The following SEPTIN11 variants were observed in gnomAD, a reference collection of about 807,000 sequenced individuals.
SEPTIN11 encodes the protein septin 11, also known as septin-11.
In SEPTIN11, 25 loss-of-function variants were observed where a neutral mutation model predicts 51.4. The ratio of observed to expected loss-of-function variants is 0.49; its 90% CI spans 0.35 to 0.68. The LOEUF (loss-of-function observed/expected upper bound fraction) is 0.68. SEPTIN11 is among the 30% of genes least tolerant of loss of function. The pLI, the probability that SEPTIN11 is intolerant of heterozygous loss-of-function variation, is 0.00. For missense variants in SEPTIN11, 381 were observed against 520.8 expected, an observed-to-expected ratio of 0.73 and a Z score of 2.61; for synonymous variants, 174 against 184.1, an observed-to-expected ratio of 0.95 and a Z score of 0.44.
chr4:77,004,590 C>T (rs1353850846), intron 2 of SEPTIN11, among the ~76,000 whole-genome samples: 1 of 152,180 alleles, frequency 6.6e-6, no homozygotes, highest in Non-Finnish European at 1.5e-5. Context: ...ACTCATAAAT[C>T]TTATCTAAGC....
At position 76,989,149 on chromosome 4, in the gene SEPTIN11, A is replaced by G. The variant is rs72607859; in HGVS notation, c.28-7276A>G. Among the ~76,000 whole-genome samples, 369 of 152,328 alleles carry G rather than the reference A, an allele frequency of 2.4e-3. 12 individuals carry two copies. The East Asian group carries it at 0.057, about 24-fold the overall frequency. On this transcript the variant is annotated intron_variant, in intron 1 of 9. Transcript: ENST00000264893. ...CCTCACTTTACAGAGGAGGAAACAT[A>G]AGCCCGAGGATTAAGTGACTTGGAT...
chr4:76,997,892 C>T (rs1041549211), intron 2 of SEPTIN11, among the ~76,000 whole-genome samples: 3 of 152,142 alleles, frequency 2.0e-5, no homozygotes, highest in Admixed American at 1.3e-4. Context: ...TTCAGTGCCT[C>T]CCCAGCCCTG....
chr4:76,998,157 C>T (rs1352024884), intron 2 of SEPTIN11, among the ~76,000 whole-genome samples: 1 of 152,092 alleles, frequency 6.6e-6, no homozygotes, highest in African/African-American at 2.4e-5. Context: ...GGTTACAATA[C>T]CTGTGATTCT....
intron 1 of SEPTIN11, among the ~76,000 whole-genome samples, chr4:76,959,616 T>A (rs976465504): frequency 1.3e-5 from 2 of 152,108 alleles, no homozygotes; most frequent in Non-Finnish European, 2.9e-5. Context: ...TATTCTAGGA[T>A]CTAGATCCAG....
Position 77,037,394 on chromosome 4 carries a change from C to A in SEPTIN11, c.*2882C>A. ...AAGAAATTATTAATCCCTGCCTGTG[C>A]TCTACATAGCCTCATGGGCATCATT... is the stretch of plus-strand genomic sequence containing the variant. On this transcript the variant is annotated 3_prime_UTR_variant, in exon 10 of 10. Transcript: ENST00000264893. 2.0e-6 allele frequency: 2 copies of A among 985,244 alleles called. No homozygotes were observed. Among genetic ancestry groups the A allele is most frequent in the Non-Finnish European group, 2.4e-6 (2 of 829,882 alleles). The allele number at this position is 985,244 out of a possible 1,614,324, so 61.0% of individuals were successfully genotyped here. A position where few individuals can be genotyped will look rare whatever the true frequency, so the allele number is the denominator to read the frequency against.
intron 1 of SEPTIN11, among the ~76,000 whole-genome samples, chr4:76,974,169 T>G (rs1044646173): frequency 6.6e-6 from 1 of 152,132 alleles, no homozygotes; most frequent in African/African-American, 2.4e-5. Flanking sequence ...ATTGGTGGTG[T>G]TCATAAGTTC....
Position 77,036,366 on chromosome 4 carries a change from C to G in SEPTIN11, c.*1854C>G. The G allele has an allele frequency of 9.4e-7, 1 of 1,060,380 alleles. No homozygotes were observed. The highest frequency in any genetic ancestry group is 2.8e-5 in the South Asian group (1 of 35,226). 65.7% of individuals were successfully genotyped at this position (1,060,380 alleles called of 1,614,324 possible). On this transcript the variant is annotated 3_prime_UTR_variant, in exon 10 of 10. Transcript: ENST00000264893. Reference sequence around the variant, plus strand: ...TGATTCAAACCATGGGCTGAATTTGCTCATAGGCTGTGCATCAGACAAAAG... The same window carrying G: ...TGATTCAAACCATGGGCTGAATTTGGTCATAGGCTGTGCATCAGACAAAAG...
chr4:76,996,354 A>G (rs184726727), intron 1 of SEPTIN11, 71 bp from the exon 2 acceptor site: 2 of 1,065,714 alleles, frequency 1.9e-6, no homozygotes, highest in African/African-American at 3.1e-5. Flanking sequence ...AAAGAATGTA[A>G]TGTTTGTGAT....
intron 1 of SEPTIN11, among the ~76,000 whole-genome samples, chr4:76,993,518 A>T (rs1723494327): frequency 6.6e-6 from 1 of 152,052 alleles, no homozygotes; most frequent in East Asian, 1.9e-4. Context: ...GACTGGAGGG[A>T]TGCGGTTCAG....
chr4:77,020,240 A>G (rs1216897243), intron 6 of SEPTIN11, among the ~76,000 whole-genome samples: 1 of 152,064 alleles, frequency 6.6e-6, no homozygotes, highest in African/African-American at 2.4e-5. Context: ...TAAAGACAAT[A>G]TTTGTTTTCA....
rs141936607 is a variant in SEPTIN11 at position 77,007,542 on chromosome 4, A to G, written c.338+1746A>G. Among the ~76,000 whole-genome samples the G allele has an allele frequency of 3.3e-3, 501 of 152,296 alleles. 2 individuals are homozygous for G. Among genetic ancestry groups the G allele is most frequent in the African/African-American group, 0.011 (457 of 41,546 alleles). On this transcript the variant is annotated intron_variant, in intron 3 of 9. Coordinates refer to ENST00000264893, the MANE Select transcript of SEPTIN11 (RefSeq NM_018243.4). ...GCTGCTGGTGGCTTTTCACTCCCCA[A>G]TCAGCACTCAGCAGCAAACAGTTAG...
Position 77,016,654 on chromosome 4 carries a change from A to G in SEPTIN11, c.687+1637A>G, listed in dbSNP as rs866483100. Among the ~76,000 whole-genome samples, 41 of 131,096 alleles carry G rather than the reference A, an allele frequency of 3.1e-4. 1 individual carries two copies. The Middle Eastern group carries it at 0.012, about 38-fold the overall frequency. The allele number at this position is 131,096 out of a possible 152,430, so 86.0% of individuals were successfully genotyped here. On this transcript the variant is annotated intron_variant, in intron 5 of 9. Transcript: ENST00000264893. ...TACACATATATATATATATATATAT[A>G]TACACATATATATATATATATGGCC...
Position 77,020,619 on chromosome 4 carries a change from A to C in SEPTIN11, c.902A>C (p.Lys301Thr), listed in dbSNP as rs752247253. 1 of 1,614,092 alleles carries C rather than the reference A, an allele frequency of 6.2e-7. No homozygotes were observed. The highest frequency in any genetic ancestry group is 1.3e-5 in the African/African-American group (1 of 75,004). Residue 301 changes from lysine to threonine, a missense_variant, in exon 7 of 10, where the codon AAG becomes ACG. Coordinates refer to ENST00000264893, the MANE Select transcript of SEPTIN11 (RefSeq NM_018243.4). Reference sequence around the variant, plus strand: ...CACTATGAATTGTACCGACGCTGTAAGCTTGAAGAGATGGGGTTCAAGGAC... The same window carrying C: ...CACTATGAATTGTACCGACGCTGTACGCTTGAAGAGATGGGGTTCAAGGAC... ...TRHYELYRRC[K>T]LEEMGFKDTD...
intron 1 of SEPTIN11, among the ~76,000 whole-genome samples, chr4:76,981,183 T>C (rs979483682): frequency 6.6e-6 from 1 of 152,220 alleles, no homozygotes; most frequent in Non-Finnish European, 1.5e-5. Context: ...TAACGGATTG[T>C]TGTATGCAGT....
chr4:77,028,369 A>G (rs1483080067), intron 7 of SEPTIN11, among the ~76,000 whole-genome samples: 1 of 152,180 alleles, frequency 6.6e-6, no homozygotes, highest in Non-Finnish European at 1.5e-5. Flanking sequence ...GTATGAATAT[A>G]TGTAAGATAA....
In SEPTIN11 at chr4:76,966,480, T is replaced by A. The variant is rs985804853; in HGVS notation, c.27+16550T>A. 5.9e-5 allele frequency among the ~76,000 whole-genome samples: 9 copies of A among 152,110 alleles called. No individual in the cohort carries two copies. In the South Asian group the frequency reaches 6.2e-4, roughly 11 times the overall value. On this transcript the variant is annotated intron_variant, in intron 1 of 9. Coordinates refer to ENST00000264893, the MANE Select transcript of SEPTIN11 (RefSeq NM_018243.4). ...GAGTATAGCTGACTTTTTTTTTTTT[T>A]AATGTATAAAGTTTGGAGATTTTCC...
intron 1 of SEPTIN11, among the ~76,000 whole-genome samples, chr4:76,986,571 C>T (rs537799891): frequency 6.6e-6 from 1 of 152,222 alleles, no homozygotes; most frequent in South Asian, 2.1e-4. Flanking sequence ...AGTTAAATAC[C>T]CTAGGTCACA....
At chr4:77,007,537 C>T (rs1025974853) in intron 3 of SEPTIN11, among the ~76,000 whole-genome samples, 7 of 152,146 alleles carry the variant, frequency 4.6e-5, no homozygotes, top group African/African-American at 1.7e-4. Context: ...GCTTTTCACT[C>T]CCCAATCAGC....
intron 1 of SEPTIN11, among the ~76,000 whole-genome samples, chr4:76,955,920 G>A (rs962939740): frequency 3.3e-5 from 5 of 152,152 alleles, no homozygotes; most frequent in Non-Finnish European, 7.3e-5. Flanking sequence ...AGAGTGTGGT[G>A]GGGCTGGGGG....
Sources: gnomAD v4.1 joint callset for allele counts (sites outside exome capture counted in the v4.1 genomes callset) on GRCh38, gnomAD v4.1.1 for gene constraint, MANE v1.5 for transcripts, NCBI Gene and HGNC (gene_info 2026-07-23, HGNC 2026-07-21) for gene names.